SRFBP1: variants seen among roughly 807,000 people sequenced by gnomAD.
SRFBP1 encodes the protein serum response factor-binding protein 1.
Under a neutral mutation model 45.5 loss-of-function variants are expected in SRFBP1, and 47 were observed. That is an observed-to-expected ratio of 1.03 (90% CI 0.82 to 1.32). The LOEUF (loss-of-function observed/expected upper bound fraction) is 1.32, where lower values mean the gene tolerates loss of function less well. SRFBP1 is among the 40% of genes most tolerant of loss of function. SRFBP1 has a pLI of 0.00. For missense variants in SRFBP1, 621 were observed against 484.6 expected (o/e 1.28, Z -2.64); for synonymous variants, 203 against 166.3 (o/e 1.22, Z -1.70).
At chr5:122,003,070 A>G (rs1752903909) in intron 4 of SRFBP1, among the ~76,000 whole-genome samples, 2 of 152,184 alleles carry the variant, frequency 1.3e-5, no homozygotes, top group Non-Finnish European at 2.9e-5. Context: ...AAGGCTGGGC[A>G]TGGCGGCTCA....
At chr5:121,982,455 A>G (rs1423380114) in intron 3 of SRFBP1, among the ~76,000 whole-genome samples, 2 of 151,878 alleles carry the variant, frequency 1.3e-5, no homozygotes, top group African/African-American at 2.4e-5. Context: ...ACACTTTTGC[A>G]TTTTTAATAT....
intron 3 of SRFBP1, among the ~76,000 whole-genome samples, chr5:121,981,203 T>G (rs978789920): frequency 6.6e-6 from 1 of 151,932 alleles, no homozygotes; most frequent in African/African-American, 2.4e-5. Flanking sequence ...CAAGACACAC[T>G]AAAATTTCGA....
At chr5:122,051,234 C>T (rs562166675) in intron 2 of SRFBP1, among the ~76,000 whole-genome samples, 12 of 152,208 alleles carry the variant, frequency 7.9e-5, no homozygotes, top group African/African-American at 2.9e-4. Flanking sequence ...AATGTATATT[C>T]TGTTGTTTTG....
chr5:121,975,180 G>T (rs757009232), intron 2 of SRFBP1, 135 bp from the exon 3 acceptor site: 14 of 893,676 alleles, frequency 1.6e-5, no homozygotes, highest in African/African-American at 6.7e-5. Context: ...GAAATGGACA[G>T]TGTAGGATAG....
At chr5:122,011,474 A>G (rs897812703) in intron 4 of SRFBP1, among the ~76,000 whole-genome samples, 4 of 152,130 alleles carry the variant, frequency 2.6e-5, no homozygotes, top group South Asian at 4.1e-4. Context: ...TGTAAAAACT[A>G]TTTGTTCATT....
chr5:122,019,432 A>G (rs1300096253), intron 5 of SRFBP1, 91 bp downstream of exon 5: 8 of 988,752 alleles, frequency 8.1e-6, no homozygotes, highest in South Asian at 3.3e-5. Context: ...TTGAGGTTCT[A>G]TTATAAATAT....
At chr5:122,045,797 G>A (rs968874984) in intron 2 of SRFBP1, among the ~76,000 whole-genome samples, 4 of 152,150 alleles carry the variant, frequency 2.6e-5, no homozygotes, top group African/African-American at 9.7e-5. Flanking sequence ...CATGTCATCT[G>A]CAAACAGAAA....
intron 1 of SRFBP1, among the ~76,000 whole-genome samples, chr5:121,963,917 CAAAGA>C (rs1227312092): frequency 2.0e-5 from 3 of 150,418 alleles, no homozygotes; most frequent in Admixed American, 2.0e-4. Flanking sequence ...AATAACCTAC[CAAAGA>C]AAAGAAATGA....
At chr5:121,993,979 T>A (rs1389751230) in intron 3 of SRFBP1, among the ~76,000 whole-genome samples, 1 of 152,062 alleles carries the variant, frequency 6.6e-6, no homozygotes, top group African/African-American at 2.4e-5. Flanking sequence ...TGTACTTTCT[T>A]TGACTTAATA....
intron 3 of SRFBP1, among the ~76,000 whole-genome samples, chr5:121,994,055 G>A (rs1752669348): frequency 6.6e-6 from 1 of 152,058 alleles, no homozygotes; most frequent in East Asian, 1.9e-4. Context: ...TTAAGATCTT[G>A]TAATTTTATT....
At chr5:121,984,240 T>G (rs889879229) in intron 3 of SRFBP1, among the ~76,000 whole-genome samples, 3 of 151,856 alleles carry the variant, frequency 2.0e-5, no homozygotes, top group Admixed American at 1.3e-4. Flanking sequence ...TTTGTATGAT[T>G]GGAGAAAGCT....
chr5:121,994,573 A>C, intron 3 of SRFBP1, 26 bp from the exon 4 acceptor site: 1 of 1,514,140 alleles, frequency 6.6e-7, no homozygotes, highest in Non-Finnish European at 9.1e-7. Context: ...ACATAACTAA[A>C]ATTAATTTGT....
At chr5:121,965,801 A>G (rs572065003) in intron 1 of SRFBP1, among the ~76,000 whole-genome samples, 2 of 152,260 alleles carry the variant, frequency 1.3e-5, no homozygotes, top group East Asian at 1.9e-4. Flanking sequence ...TTTTCACGAT[A>G]TTGATTCTTC....
intron 2 of SRFBP1, among the ~76,000 whole-genome samples, chr5:122,041,654 A>G (rs1442376734): frequency 6.6e-6 from 1 of 151,990 alleles, no homozygotes; most frequent in Non-Finnish European, 1.5e-5. Context: ...ACTCCTATAT[A>G]CTGATAATTT....
intron 3 of SRFBP1, among the ~76,000 whole-genome samples, chr5:121,986,975 A>G (rs1347013789): frequency 1.3e-5 from 2 of 152,132 alleles, no homozygotes; most frequent in African/African-American, 4.8e-5. Context: ...CAGTTAGAGC[A>G]GAAAGATACA....
At chr5:121,972,633 T>C (rs1402735675) in intron 1 of SRFBP1, among the ~76,000 whole-genome samples, 4 of 151,918 alleles carry the variant, frequency 2.6e-5, no homozygotes, top group Non-Finnish European at 1.5e-5. Context: ...GATGTTATCA[T>C]GTATCTAAAC....
chr5:122,060,652 A>G (rs1166579409), intron 2 of SRFBP1, among the ~76,000 whole-genome samples: 2 of 152,122 alleles, frequency 1.3e-5, no homozygotes, highest in Non-Finnish European at 2.9e-5. Flanking sequence ...TTTCTGGTCA[A>G]TAAGCTGTGT....
intron 2 of SRFBP1, among the ~76,000 whole-genome samples, chr5:122,051,543 G>T (rs1208688148): frequency 1.3e-5 from 2 of 150,602 alleles, no homozygotes; most frequent in African/African-American, 4.9e-5. Context: ...ATCATTGTTG[G>T]TTTAAAGTCT....
At chr5:122,039,681 C>T (rs1753743391) in intron 2 of SRFBP1, among the ~76,000 whole-genome samples, 1 of 152,108 alleles carries the variant, frequency 6.6e-6, no homozygotes, top group African/African-American at 2.4e-5. Flanking sequence ...TTGCTGGGTT[C>T]TCTGAATAAT....
Sources: allele counts gnomAD v4.1 joint callset (sites outside exome capture counted in the v4.1 genomes callset), GRCh38; gene constraint gnomAD v4.1.1; transcripts MANE v1.5; gene names NCBI Gene and HGNC (gene_info 2026-07-23, HGNC 2026-07-21).